Variants in CAPN1 observed in about 807,000 individuals in gnomAD.
The protein encoded by CAPN1 is calpain 1.
A neutral mutation model predicts 105.2 loss-of-function variants in CAPN1; 77 were observed. That is an observed-to-expected ratio of 0.73 (90% confidence interval 0.61 to 0.88). The LOEUF (loss-of-function observed/expected upper bound fraction) is 0.88. Ranked by LOEUF, CAPN1 falls within the 40% of genes least tolerant of loss-of-function variation. The pLI is 0.00. For synonymous variants in CAPN1, 355 were observed against 388.8 expected, an observed-to-expected ratio of 0.91 and a Z score of 1.02; for missense variants, 833 against 976.6, an observed-to-expected ratio of 0.85 and a Z score of 1.96.
chr11:65,182,306 T>G (rs1346601586), intron 1 of CAPN1: 2 of 105,604 alleles, frequency 1.9e-5, no homozygotes, highest in Non-Finnish European at 3.9e-5. Flanking sequence ...CACCAGGAGC[T>G]TGGTTAGTTT....
chr11:65,207,453 GC>G, intron 14 of CAPN1, among the ~76,000 whole-genome samples: 1 of 151,568 alleles, frequency 6.6e-6, no homozygotes, highest in East Asian at 2.0e-4. Flanking sequence ...ACCCACCTCG[GC>G]CTCACAAAGT....
chr11:65,202,317 T>TCTTTATTGATA (rs1245816719), intron 10 of CAPN1, among the ~76,000 whole-genome samples: 2 of 152,222 alleles, frequency 1.3e-5, no homozygotes, highest in Non-Finnish European at 2.9e-5. Context: ...TTTAAAAATA[T>TCTTTATTGATA]CTTTATTGAT....
At chr11:65,183,408 T>C (rs780553964) in intron 3 of CAPN1, 66 bp from the exon 4 acceptor site, 3 of 1,311,740 alleles carry the variant, frequency 2.3e-6, no homozygotes, top group South Asian at 1.2e-5. Context: ...AGATTCTCCC[T>C]AGCACCCGCT....
chr11:65,200,318 G>A (rs1164627817), intron 10 of CAPN1, among the ~76,000 whole-genome samples: 1 of 151,906 alleles, frequency 6.6e-6, no homozygotes, highest in Non-Finnish European at 1.5e-5. Context: ...TAGGATTACA[G>A]GCGTGAGTCT....
intron 11 of CAPN1, 78 bp downstream of exon 11, chr11:65,204,936 C>T: frequency 7.8e-7 from 1 of 1,278,188 alleles, no homozygotes. Flanking sequence ...TGCAGGCGGG[C>T]TTCCACCAGG....
chr11:65,209,281 A>G lies in CAPN1; in HGVS notation c.1730-42A>G. 2 of 1,563,028 alleles carry G rather than the reference A, an allele frequency of 1.3e-6. No homozygotes were observed. The highest frequency in any genetic ancestry group is 8.8e-7 in the Non-Finnish European group (1 of 1,138,530). ...TGCTCCCAGCAGGGGCAGGTGCAGG[A>G]AGCTCACTAGGTGGAGATGTTGGAA... On this transcript the variant is annotated intron_variant, in intron 16 of 21. Coordinates refer to ENST00000279247, the MANE Select transcript of CAPN1 (RefSeq NM_005186.4). This position sits in a 1 kb window ranked among gnomAD's most constrained non-coding sequence, Gnocchi z 4.1.
chr11:65,182,397 C>A, intron 1 of CAPN1: 1 of 358,542 alleles, frequency 2.8e-6, no homozygotes, highest in Non-Finnish European at 5.1e-6. Context: ...CTTGTGCTGT[C>A]TGGAGGCTCC....
chr11:65,185,082 C>T (rs991723543), intron 4 of CAPN1, among the ~76,000 whole-genome samples: 2 of 151,934 alleles, frequency 1.3e-5, no homozygotes, highest in African/African-American at 4.8e-5. Flanking sequence ...CCCCTTAGCC[C>T]TCTGAAGGTT....
rs575853678 is a variant in CAPN1 at position 65,183,427 on chromosome 11, C to G, written c.338-47C>G. Reference sequence around the variant, plus strand: ...TCTCCCTAGCACCCGCTTCCCCCCCCGGGGCAGGTTGGTAGAGCAGGCTAA... The same window carrying G: ...TCTCCCTAGCACCCGCTTCCCCCCCGGGGGCAGGTTGGTAGAGCAGGCTAA... On this transcript the variant is annotated intron_variant, in intron 3 of 21. Transcript: ENST00000279247. 13 of 1,436,246 alleles carry G rather than the reference C, an allele frequency of 9.1e-6. No homozygotes were observed. The Admixed American group carries it at 1.0e-4, about 11-fold the overall frequency. The allele number at this position is 1,436,246 out of a possible 1,614,324, so 89.0% of individuals were successfully genotyped here. A position where few individuals can be genotyped will look rare whatever the true frequency, so the allele number is the denominator to read the frequency against.
In CAPN1 at chr11:65,183,170, C is replaced by T. The variant is rs750908895; in HGVS notation, c.310C>T (p.Arg104Cys). The T allele has an allele frequency of 6.8e-6, 11 of 1,613,918 alleles. No homozygotes were observed. The highest frequency in any genetic ancestry group is 3.3e-4 in the Middle Eastern group (2 of 6,062). The change falls in exon 3 of 22, where the codon CGC becomes TGC. Residue 104 changes from arginine (R) to cysteine (C), a missense_variant. Coordinates refer to ENST00000279247, the MANE Select transcript of CAPN1 (RefSeq NM_005186.4). ...CCAGTTCATTGTGGATGGAGCTACC[C>T]GCACAGACATCTGCCAGGGAGCACT... ...NPQFIVDGAT[R>C]TDICQGALGD...
intron 10 of CAPN1, among the ~76,000 whole-genome samples, chr11:65,190,039 T>C (rs1948697041): frequency 1.3e-5 from 2 of 152,164 alleles, no homozygotes; most frequent in Non-Finnish European, 2.9e-5. Flanking sequence ...TCCCTGTTCA[T>C]GGGGACCCCC....
chr11:65,188,549 GAC>G lies in CAPN1; in HGVS notation c.1005-36_1005-35del, dbSNP rs1279790390. 2.5e-6 allele frequency: 4 copies of G among 1,613,632 alleles called. No individual in the cohort carries two copies. The South Asian group carries it at 4.4e-5, about 18-fold the overall frequency. On this transcript the variant is annotated intron_variant, in intron 9 of 21. Transcript: ENST00000279247. The surrounding 1 kb of genome is among the most constrained non-coding windows in gnomAD (Gnocchi z 5.5). ...CCCCTACACATCAGCTCTGTGCCCT[GAC>G]GGGCTGTGCCTCACCTGTGTACCTC...
intron 11 of CAPN1, among the ~76,000 whole-genome samples, chr11:65,205,071 G>A (rs1202748608): frequency 6.6e-6 from 1 of 152,242 alleles, no homozygotes; most frequent in African/African-American, 2.4e-5. Flanking sequence ...AGAGGAAGGG[G>A]GTTGGCTCAG....
intron 10 of CAPN1, among the ~76,000 whole-genome samples, chr11:65,194,138 T>G (rs1948759478): frequency 6.6e-6 from 1 of 151,942 alleles, no homozygotes. Context: ...ATTTTTTTTT[T>G]TGTATTTTTA....
At position 65,211,629 on chromosome 11, in the gene CAPN1, C is replaced by T; in HGVS notation, c.*343C>T. ...CTCTCCCCACTTCAGAGGCCACCCA[C>T]TCAGCACCACCGGCCTGGCCTTGCC... On this transcript the variant is annotated 3_prime_UTR_variant, in exon 22 of 22. Transcript: ENST00000279247. The T allele has an allele frequency of 2.3e-6, 1 of 440,482 alleles. No homozygotes were observed. Among genetic ancestry groups the T allele is most frequent in the Non-Finnish European group, 4.2e-6 (1 of 237,972 alleles). 27.3% of individuals were successfully genotyped at this position (440,482 alleles called of 1,614,324 possible). A position where few individuals can be genotyped will look rare whatever the true frequency, so the allele number is the denominator to read the frequency against.
In CAPN1 at chr11:65,183,994, G is replaced by A. The variant is rs555685974; in HGVS notation, c.456+402G>A. On this transcript the variant is annotated intron_variant, in intron 4 of 21. Transcript: ENST00000279247. ...TATCCCCCAACTCCTCCTGCGCTTTGGCAAGGTCTGACTGAGCCCAGCAGA... is the reference window on the plus strand; with the variant it reads ...TATCCCCCAACTCCTCCTGCGCTTTAGCAAGGTCTGACTGAGCCCAGCAGA... Among the ~76,000 whole-genome samples the A allele has an allele frequency of 2.0e-5, 3 of 152,238 alleles. No individual in the cohort carries two copies. In the South Asian group the frequency reaches 6.2e-4, roughly 32 times the overall value.
chr11:65,197,308 A>G (rs942292599), intron 10 of CAPN1, among the ~76,000 whole-genome samples: 1 of 152,164 alleles, frequency 6.6e-6, no homozygotes, highest in Non-Finnish European at 1.5e-5. Context: ...ATTATTTTTC[A>G]TTATATATTT....
chr11:65,200,411 C>G (rs979946765), intron 10 of CAPN1, among the ~76,000 whole-genome samples: 13 of 151,594 alleles, frequency 8.6e-5, no homozygotes, highest in Admixed American at 2.6e-4. Context: ...ATGGTGTGAT[C>G]TCGGCTCACT....
chr11:65,204,875 A>G lies in CAPN1; in HGVS notation c.1341+17A>G. 4 of 1,593,764 alleles carry G rather than the reference A, an allele frequency of 2.5e-6. No individual in the cohort carries two copies. Among genetic ancestry groups the G allele is most frequent in the Non-Finnish European group, 3.4e-6 (4 of 1,165,436 alleles). ...GTCTACGAGGTCAGGAGGGTGGATC[A>G]CCGGTGGATCTCACTGAGCAGGCAG... On this transcript the variant is annotated intron_variant, in intron 11 of 21. Coordinates refer to ENST00000279247, the MANE Select transcript of CAPN1 (RefSeq NM_005186.4).
Sources: gnomAD v4.1 joint callset for allele counts (sites outside exome capture counted in the v4.1 genomes callset) on GRCh38, gnomAD v4.1.1 for gene constraint, Gnocchi (gnomAD v3.1) non-coding constraint, MANE v1.5 for transcripts, NCBI Gene and HGNC (gene_info 2026-07-23, HGNC 2026-07-21) for gene names.